Variants in RFX2 observed in about 807,000 individuals in gnomAD.
RFX2 encodes the protein regulatory factor X2, also known as DNA-binding protein RFX2.
RFX2 carries 20 observed loss-of-function variants against 87.8 expected under a neutral mutation model. That is an observed-to-expected ratio of 0.23 (90% CI 0.16 to 0.33). The LOEUF (loss-of-function observed/expected upper bound fraction) is 0.33, where lower values mean the gene tolerates loss of function less well. Ranked by LOEUF, RFX2 falls within the 10% of genes least tolerant of loss-of-function variation. RFX2 has a pLI of 1.00. For missense variants in RFX2, 767 were observed against 1,012.3 expected (o/e 0.76, Z 3.29); for synonymous variants, 397 against 431.3 (o/e 0.92, Z 0.98).
rs1249665959 is a variant in RFX2, at chr19:6,004,544, G to T, written c.1403-246C>A. ...GCGATTCTGCCCCAGGGGACACTGGGCAATGTCTGGGGACGTTAATGGTGG... is the reference window on the plus strand; with the variant it reads ...GCGATTCTGCCCCAGGGGACACTGGTCAATGTCTGGGGACGTTAATGGTGG... On this transcript the variant is annotated intron_variant, in intron 12 of 17. Transcript: ENST00000303657. This position sits in a 1 kb window ranked among gnomAD's most constrained non-coding sequence, Gnocchi z 4.8. Among the ~76,000 whole-genome samples, 1 of 152,218 alleles carries T rather than the reference G, an allele frequency of 6.6e-6. No homozygotes were observed. The highest frequency in any genetic ancestry group is 2.4e-5 in the African/African-American group (1 of 41,466).
chr19:6,099,575 G>A (rs1045669500), intron 1 of RFX2, among the ~76,000 whole-genome samples: 1 of 151,934 alleles, frequency 6.6e-6, no homozygotes, highest in Middle Eastern at 3.4e-3. Context: ...CCGTCCTGAA[G>A]AGCACTCGGG....
chr19:6,015,676 T>A (rs565542234), intron 7 of RFX2, among the ~76,000 whole-genome samples: 23 of 152,160 alleles, frequency 1.5e-4, no homozygotes, highest in African/African-American at 5.5e-4. Flanking sequence ...AATTTTTAAT[T>A]TTTTTGTAGA....
In RFX2 at chr19:6,044,291, G is replaced by T. The variant is rs1182854017; in HGVS notation, c.91-9C>A. On this transcript the variant is annotated splice_polypyrimidine_tract_variant and intron_variant, in intron 2 of 17. Transcript: ENST00000303657. The surrounding 1 kb of genome is among the most constrained non-coding windows in gnomAD (Gnocchi z 5.3). ...GCCTGGACCAACACCCTCTAAAAGGGAAGGGAGAGAAGGCCAGTTAGACTT... is the reference window on the plus strand; with the variant it reads ...GCCTGGACCAACACCCTCTAAAAGGTAAGGGAGAGAAGGCCAGTTAGACTT... The T allele has an allele frequency of 1.3e-6, 2 of 1,509,170 alleles. No homozygotes were observed. Among genetic ancestry groups the T allele is most frequent in the Non-Finnish European group, 1.8e-6 (2 of 1,124,408 alleles). 93.5% of individuals were successfully genotyped at this position (1,509,170 alleles called of 1,614,324 possible). A position where few individuals can be genotyped will look rare whatever the true frequency, so the allele number is the denominator to read the frequency against.
At chr19:6,088,184 CCA>C (rs1221285703) in intron 1 of RFX2, among the ~76,000 whole-genome samples, 3 of 151,326 alleles carry the variant, frequency 2.0e-5, no homozygotes, top group Non-Finnish European at 4.4e-5. Flanking sequence ...AAGAAGAATG[CCA>C]CAGAGAAGGG....
chr19:6,030,930 T>A (rs1021140922), intron 5 of RFX2, among the ~76,000 whole-genome samples: 1 of 152,196 alleles, frequency 6.6e-6, no homozygotes, highest in African/African-American at 2.4e-5. Flanking sequence ...CACATTTCAT[T>A]ACATAGTGTC....
intron 1 of RFX2, among the ~76,000 whole-genome samples, chr19:6,075,347 G>T (rs756319164): frequency 6.6e-6 from 1 of 152,106 alleles, no homozygotes; most frequent in Non-Finnish European, 1.5e-5. Context: ...TTTGGCTTTC[G>T]CTCTGAGTGT....
In RFX2 at chr19:6,039,816, G is replaced by A. The variant is rs528993934; in HGVS notation, c.522+164C>T. Among the ~76,000 whole-genome samples, 3 of 152,342 alleles carry A rather than the reference G, an allele frequency of 2.0e-5. No homozygotes were observed. The highest frequency in any genetic ancestry group is 2.0e-4 in the Admixed American group (3 of 15,302). On this transcript the variant is annotated intron_variant, in intron 5 of 17. Transcript: ENST00000303657. The surrounding 1 kb of genome is among the most constrained non-coding windows in gnomAD (Gnocchi z 5.2). ...ACTCTGCAGGCCTGCCTATGGTTGC[G>A]TGGCCCGTCTGAGGCTGGCCCGACT...
chr19:5,995,656 C>T lies in RFX2; in HGVS notation c.2014-13G>A. 2 of 1,552,150 alleles carry T rather than the reference C, an allele frequency of 1.3e-6. No homozygotes were observed. Among genetic ancestry groups the T allele is most frequent in the Non-Finnish European group, 1.7e-6 (2 of 1,147,328 alleles). Reference sequence around the variant, plus strand: ...CGAGATCGTTGAACTGAAAGAGAAACCTGGAGTCAGGGGCGCCTGCAGAGG... The same window carrying T: ...CGAGATCGTTGAACTGAAAGAGAAATCTGGAGTCAGGGGCGCCTGCAGAGG... On this transcript the variant is annotated splice_polypyrimidine_tract_variant and intron_variant, in intron 16 of 17. Transcript: ENST00000303657.
At chr19:6,081,392 G>T (rs2087782616) in intron 1 of RFX2, among the ~76,000 whole-genome samples, 1 of 152,170 alleles carries the variant, frequency 6.6e-6, no homozygotes, top group Non-Finnish European at 1.5e-5. Context: ...AACCGGGGAA[G>T]GAATCATATC....
chr19:6,037,237 T>C (rs2087037193), intron 5 of RFX2, among the ~76,000 whole-genome samples: 1 of 150,890 alleles, frequency 6.6e-6, no homozygotes, highest in African/African-American at 2.4e-5. Flanking sequence ...TGAGCCCAGA[T>C]TGCGCCACTG....
intron 1 of RFX2, among the ~76,000 whole-genome samples, chr19:6,051,620 G>GAAAC (rs201115984): frequency 1.3e-5 from 2 of 152,000 alleles, no homozygotes; most frequent in Non-Finnish European, 2.9e-5. Flanking sequence ...AAAGAACAGA[G>GAAAC]AAACAAACAA....
intron 1 of RFX2, among the ~76,000 whole-genome samples, chr19:6,081,724 G>A (rs779593793): frequency 6.6e-6 from 1 of 152,222 alleles, no homozygotes; most frequent in African/African-American, 2.4e-5. Context: ...AGGTCGAGGA[G>A]GGTGGATCAC....
At position 5,993,643 on chromosome 19, in the gene RFX2, C is replaced by T. The variant is rs527550467; in HGVS notation, c.*1192G>A. 9 of 152,344 alleles carry T rather than the reference C, an allele frequency of 5.9e-5. 1 individual carries two copies. Among genetic ancestry groups the T allele is most frequent in the African/African-American group, 2.2e-4 (9 of 41,570 alleles). The allele number at this position is 152,344 out of a possible 1,614,324, so 9.4% of individuals were successfully genotyped here. On this transcript the variant is annotated 3_prime_UTR_variant, in exon 18 of 18. Coordinates refer to ENST00000303657, the MANE Select transcript of RFX2 (RefSeq NM_000635.4). ...TTAGAAATCGCGTCCTGGGCCGAGG[C>T]TCGTCTTTCTTCTCTGCAGTTGGTT...
intron 1 of RFX2, among the ~76,000 whole-genome samples, chr19:6,097,587 T>G (rs896064329): frequency 2.7e-5 from 4 of 150,028 alleles, no homozygotes; most frequent in Non-Finnish European, 5.9e-5. Flanking sequence ...CCTTTATTAT[T>G]ATTAATTATT....
At chr19:6,092,647 A>C (rs1255686517) in intron 1 of RFX2, among the ~76,000 whole-genome samples, 2 of 148,212 alleles carry the variant, frequency 1.3e-5, no homozygotes, top group Non-Finnish European at 3.0e-5. Context: ...CGGTGACAGA[A>C]TGAGGCTGAG....
rs2086730624 is a variant in RFX2 at position 6,016,716 on chromosome 19, T to G, written c.598-445A>C. On this transcript the variant is annotated intron_variant, in intron 6 of 17. Coordinates refer to ENST00000303657, the MANE Select transcript of RFX2 (RefSeq NM_000635.4). This position sits in a 1 kb window ranked among gnomAD's most constrained non-coding sequence, Gnocchi z 5.4. ...AGAAATCCATCTTTATGGTCACTGA[T>G]TTGAGTTCTCTAAGCAGATTAATGA... is the stretch of plus-strand genomic sequence containing the variant. 1.3e-5 allele frequency among the ~76,000 whole-genome samples: 2 copies of G among 152,248 alleles called. No individual in the cohort carries two copies. The highest frequency in any genetic ancestry group is 4.8e-5 in the African/African-American group (2 of 41,470).
intron 7 of RFX2, among the ~76,000 whole-genome samples, chr19:6,014,706 G>A (rs2086702174): frequency 6.6e-6 from 1 of 152,174 alleles, no homozygotes; most frequent in African/African-American, 2.4e-5. Context: ...CCAGGAGCAG[G>A]GGCTGTGTCC....
intron 3 of RFX2, 124 bp from the exon 4 acceptor site, chr19:6,042,247 G>A (rs947732221): frequency 2.3e-5 from 19 of 826,386 alleles, no homozygotes; most frequent in East Asian, 1.3e-4. Flanking sequence ...CAATGTTCCC[G>A]CCCACAGTCG....
rs752248498 is a variant in RFX2 at position 6,061,406 on chromosome 19, T to C, written c.-8-13902A>G. On this transcript the variant is annotated intron_variant, in intron 1 of 17. Transcript: ENST00000303657. This position sits in a 1 kb window ranked among gnomAD's most constrained non-coding sequence, Gnocchi z 5.2. Reference sequence around the variant, plus strand: ...GTGGGGGTTCCAGACCATTTCGATGTCGAAAAGGTCTGCTGTCTGTAGGAT... The same window carrying C: ...GTGGGGGTTCCAGACCATTTCGATGCCGAAAAGGTCTGCTGTCTGTAGGAT... Among the ~76,000 whole-genome samples the C allele has an allele frequency of 6.6e-6, 1 of 152,188 alleles. No homozygotes were observed. Among genetic ancestry groups the C allele is most frequent in the Non-Finnish European group, 1.5e-5 (1 of 68,028 alleles).
Sources: gnomAD v4.1 joint callset for allele counts (sites outside exome capture counted in the v4.1 genomes callset) on GRCh38, gnomAD v4.1.1 for gene constraint, Gnocchi (gnomAD v3.1) non-coding constraint, MANE v1.5 for transcripts, NCBI Gene and HGNC (gene_info 2026-07-23, HGNC 2026-07-21) for gene names.